The following MAP3K20 variants were observed in gnomAD, a reference collection of about 807,000 sequenced individuals.
The protein encoded by MAP3K20 is HCCS-4.
Under a neutral mutation model 85.7 loss-of-function variants are expected in MAP3K20, and 40 were observed. The ratio of observed to expected loss-of-function variants is 0.47; its 90% CI spans 0.36 to 0.61. MAP3K20 has a LOEUF of 0.61. MAP3K20 is among the 20% of genes least tolerant of loss of function. MAP3K20 has a pLI of 0.00. For synonymous variants in MAP3K20, 325 were observed against 327.7 expected, an observed-to-expected ratio of 0.99 and a Z score of 0.09; for missense variants, 817 against 961.7, an observed-to-expected ratio of 0.85 and a Z score of 1.99.
intron 11 of MAP3K20, chr2:173,223,658 C>A: frequency 1.0e-6 from 1 of 985,358 alleles, no homozygotes; most frequent in Non-Finnish European, 1.2e-6. Context: ...GCCAGCTTAA[C>A]CTGGTCTGAG....
intron 1 of MAP3K20, among the ~76,000 whole-genome samples, chr2:173,086,991 T>G (rs1687163774): frequency 6.6e-6 from 1 of 152,226 alleles, no homozygotes; most frequent in African/African-American, 2.4e-5. Flanking sequence ...TTGTAAAAAT[T>G]ACACACCTTA....
At chr2:173,136,144 A>T (rs907867582) in intron 2 of MAP3K20, among the ~76,000 whole-genome samples, 3 of 152,228 alleles carry the variant, frequency 2.0e-5, no homozygotes, top group African/African-American at 7.2e-5. Context: ...CACCTTGTTG[A>T]ATAGCCTGTG....
intron 2 of MAP3K20, among the ~76,000 whole-genome samples, chr2:173,125,508 G>A (rs1023439978): frequency 4.6e-5 from 6 of 131,738 alleles, no homozygotes; most frequent in Non-Finnish European, 8.8e-5. Context: ...AATGTTAGAT[G>A]TGTTTTTTTT....
chr2:173,112,836 T>C (rs1688013762), intron 2 of MAP3K20, among the ~76,000 whole-genome samples: 1 of 152,132 alleles, frequency 6.6e-6, no homozygotes, highest in African/African-American at 2.4e-5. Flanking sequence ...TCGTTAAGGA[T>C]TTTAGCATCT....
intron 17 of MAP3K20, among the ~76,000 whole-genome samples, chr2:173,260,347 G>A (rs886970013): frequency 3.3e-5 from 5 of 152,138 alleles, no homozygotes; most frequent in South Asian, 2.1e-4. Context: ...CAGCCTGGGC[G>A]ACAGAGTGAG....
chr2:173,109,365 T>A (rs553182628), intron 2 of MAP3K20, among the ~76,000 whole-genome samples: 1 of 152,316 alleles, frequency 6.6e-6, no homozygotes, highest in South Asian at 2.1e-4. Flanking sequence ...CTGGTGATTA[T>A]AAAGGGGAGA....
At chr2:173,201,197 AAC>A (rs1470640053) in intron 8 of MAP3K20, among the ~76,000 whole-genome samples, 5 of 152,214 alleles carry the variant, frequency 3.3e-5, no homozygotes, top group East Asian at 3.8e-4. Flanking sequence ...AAGATGTTTA[AAC>A]AGTCATATTT....
In MAP3K20 at chr2:173,266,254, C is replaced by T. The variant is rs371335082; in HGVS notation, c.1907C>T (p.Ser636Leu). The T allele has an allele frequency of 2.1e-5, 34 of 1,614,006 alleles. No individual in the cohort carries two copies. The highest frequency in any genetic ancestry group is 4.0e-5 in the African/African-American group (3 of 74,910). Residue 636 changes from serine to leucine, a missense_variant, in exon 20 of 20, where the codon TCG (serine) becomes TTG (leucine). Transcript: ENST00000375213. ...ACACCTGTGAACCAGTCCAGAAGCT[C>T]GTCTCCTACTCAGTATGGACTGACC... ...QITPVNQSRS[S>L]SPTQYGLTKN... is the part of the protein sequence containing the mutation.
rs1683820779 is a variant in MAP3K20, at chr2:173,209,802, G to GT, written c.819dup (p.Asn274Ter). ...AATGACACGAGCCTTCCTGACAAGT[G>GT]TAACTCATTCCTACACAACAAGGCG... On this transcript the variant is annotated frameshift_variant, in exon 10 of 20. Transcript: ENST00000375213. LOFTEE classifies it high-confidence loss of function. 6.2e-7 allele frequency: 1 copy of GT among 1,614,034 alleles called. No homozygotes were observed. The highest frequency in any genetic ancestry group is 8.5e-7 in the Non-Finnish European group (1 of 1,180,022).
intron 2 of MAP3K20, among the ~76,000 whole-genome samples, chr2:173,116,564 G>A (rs913971206): frequency 6.6e-6 from 1 of 152,116 alleles, no homozygotes; most frequent in African/African-American, 2.4e-5. Context: ...TTTTCCCCAA[G>A]ACTACTTAAA....
At chr2:173,235,929 AAAGT>A (rs1443121237) in intron 14 of MAP3K20, among the ~76,000 whole-genome samples, 5 of 152,260 alleles carry the variant, frequency 3.3e-5, no homozygotes, top group African/African-American at 1.2e-4. Flanking sequence ...TGCTGTTACA[AAAGT>A]CAAACGTTGG....
intron 2 of MAP3K20, among the ~76,000 whole-genome samples, chr2:173,128,364 G>A (rs1004314805): frequency 4.1e-5 from 6 of 146,380 alleles, no homozygotes; most frequent in African/African-American, 1.3e-4. Context: ...ATAGAGTCTC[G>A]CTCTGTTGCT....
intron 3 of MAP3K20, among the ~76,000 whole-genome samples, chr2:173,181,639 T>C (rs1004415002): frequency 3.3e-5 from 5 of 152,168 alleles, no homozygotes; most frequent in African/African-American, 1.2e-4. Context: ...AATCCAAATA[T>C]CTATCAACTG....
Position 173,133,977 on chromosome 2 carries a change from C to T in MAP3K20, c.160-35828C>T, listed in dbSNP as rs1371300032. Among the ~76,000 whole-genome samples, 8 of 139,932 alleles carry T rather than the reference C, an allele frequency of 5.7e-5. No homozygotes were observed. The East Asian group carries it at 1.4e-3, about 25-fold the overall frequency. 91.8% of individuals were successfully genotyped at this position (139,932 alleles called of 152,430 possible). ...CTGCCCTCCAGCCTGGGTGACAGAG[C>T]GATATTCCATCTCAAAAAACAAAAA... On this transcript the variant is annotated intron_variant, in intron 2 of 19. Transcript: ENST00000375213.
chr2:173,096,171 C>A (rs77490321), intron 2 of MAP3K20, among the ~76,000 whole-genome samples: 2,365 of 152,142 alleles, frequency 0.016, 58 homozygotes, highest in African/African-American at 0.054. Context: ...GTATATTGTT[C>A]CTAGAATTCA....
intron 2 of MAP3K20, among the ~76,000 whole-genome samples, chr2:173,157,615 G>T (rs1369847454): frequency 6.6e-6 from 1 of 152,204 alleles, no homozygotes; most frequent in Non-Finnish European, 1.5e-5. Flanking sequence ...CTGTTTCACT[G>T]GAGAGTAATA....
intron 2 of MAP3K20, among the ~76,000 whole-genome samples, chr2:173,097,248 C>T (rs530696230): frequency 6.5e-4 from 99 of 152,040 alleles, no homozygotes; most frequent in African/African-American, 2.0e-3. Flanking sequence ...TCCAGCTACT[C>T]GGGAGGCTGA....
intron 16 of MAP3K20, among the ~76,000 whole-genome samples, chr2:173,252,230 T>TTGCA (rs1685056403): frequency 6.6e-6 from 1 of 152,242 alleles, no homozygotes; most frequent in Non-Finnish European, 1.5e-5. Context: ...TTTAAACAGC[T>TTGCA]TGCAGAGAGT....
At chr2:173,085,784 A>ATTTTTTTTTTTTT (rs61431056) in intron 1 of MAP3K20, among the ~76,000 whole-genome samples, 4 of 73,760 alleles carry the variant, frequency 5.4e-5, no homozygotes, top group East Asian at 4.5e-4. Context: ...TGTAAAAGCA[A>ATTTTTTTTTTTTT]TTTTTTTTTT....
Sources: allele counts gnomAD v4.1 joint callset (sites outside exome capture counted in the v4.1 genomes callset), GRCh38; gene constraint gnomAD v4.1.1; transcripts MANE v1.5; gene names NCBI Gene and HGNC (gene_info 2026-07-23, HGNC 2026-07-21).